The following TMEM201 variants were observed in gnomAD, a reference collection of about 807,000 sequenced individuals.
TMEM201 encodes the protein RP13-15M17.2.
TMEM201 carries 26 observed loss-of-function variants against 63.4 expected under a neutral mutation model. The ratio of observed to expected loss-of-function variants is 0.41; its 90% CI spans 0.30 to 0.57. The LOEUF is 0.57. Among genes scored for constraint, TMEM201 ranks in the 20% least tolerant of loss-of-function variants. TMEM201 has a pLI of 0.29. For missense variants in TMEM201, 794 were observed against 917.7 expected, an observed-to-expected ratio of 0.87 and a Z score of 1.74; for synonymous variants, 417 against 421.6, an observed-to-expected ratio of 0.99 and a Z score of 0.14.
At position 9,603,111 on chromosome 1, in the gene TMEM201, T is replaced by A; in HGVS notation, c.1160+839T>A. ...GGCCTTCAGTGACATCAGGTCGTTG[T>A]CATCCTTTCCCTCCCTGACCTGTCA... On this transcript the variant is annotated intron_variant, in intron 6 of 10. Coordinates refer to ENST00000340381, the MANE Select transcript of TMEM201 (RefSeq NM_001130924.3). The surrounding 1 kb of genome is among the most constrained non-coding windows in gnomAD (Gnocchi z 4.5). 1.0e-6 allele frequency: 1 copy of A among 985,484 alleles called. No individual in the cohort carries two copies. Among genetic ancestry groups the A allele is most frequent in the Non-Finnish European group, 1.2e-6 (1 of 829,988 alleles). The allele number at this position is 985,484 out of a possible 1,614,324, so 61.0% of individuals were successfully genotyped here.
At chr1:9,594,940 G>A (rs1643988644) in intron 1 of TMEM201, among the ~76,000 whole-genome samples, 2 of 152,358 alleles carry the variant, frequency 1.3e-5, no homozygotes, top group East Asian at 1.9e-4. Context: ...ACGGGGGGCC[G>A]TCTGTGCAGG....
intron 1 of TMEM201, among the ~76,000 whole-genome samples, chr1:9,589,475 C>G (rs1454248348): frequency 1.3e-5 from 2 of 152,370 alleles, no homozygotes; most frequent in East Asian, 1.9e-4. Context: ...GAGCCACAGC[C>G]CCTGCTTACG....
Position 9,607,676 on chromosome 1 carries a change from C to T in TMEM201, c.1280C>T (p.Pro427Leu). 1 of 1,551,988 alleles carries T rather than the reference C, an allele frequency of 6.4e-7. No individual in the cohort carries two copies. The highest frequency in any genetic ancestry group is 8.7e-7 in the Non-Finnish European group (1 of 1,147,110). The change falls in exon 7 of 11, where the codon CCC (proline) becomes CTC (leucine). Residue 427 changes from proline (P) to leucine (L), a missense_variant. Physicochemically the swap from Pro to Leu is moderately conservative, Grantham distance 98. Coordinates refer to ENST00000340381, the MANE Select transcript of TMEM201 (RefSeq NM_001130924.3). The surrounding 1 kb of genome is among the most constrained non-coding windows in gnomAD (Gnocchi z 5.4). ...LFIPSPPSFL[P>L]LANQQLFRSP... ...ATCCCCAGCCCGCCCAGCTTCCTGC[C>T]CCTCGCCAACCAGCAGCTCTTCCGG... is the stretch of plus-strand genomic sequence containing the variant.
intron 1 of TMEM201, among the ~76,000 whole-genome samples, chr1:9,594,453 TC>T (rs928194287): frequency 8.0e-4 from 122 of 152,196 alleles, no homozygotes; most frequent in African/African-American, 2.8e-3. Context: ...CTCCCAAGCC[TC>T]CCCCCACTCC....
At chr1:9,589,592 C>G (rs1459216418) in intron 1 of TMEM201, among the ~76,000 whole-genome samples, 2 of 152,262 alleles carry the variant, frequency 1.3e-5, no homozygotes, top group African/African-American at 2.4e-5. Flanking sequence ...TGGGCTGCCT[C>G]CCAGAGGTGG....
rs764974252 is a variant in TMEM201, at chr1:9,602,052, C to T, written c.957-17C>T. On this transcript the variant is annotated splice_polypyrimidine_tract_variant and intron_variant, in intron 5 of 10. Transcript: ENST00000340381. The stretch of plus-strand genomic sequence containing the variant: ...GTCTTGTCCTCCCCTGGGGTGACCC[C>T]GCTGCTTCCCTTTCAGGCTCCGGAG... 39 of 1,606,730 alleles carry T rather than the reference C, an allele frequency of 2.4e-5. No homozygotes were observed. The highest frequency in any genetic ancestry group is 1.7e-4 in the Admixed American group (10 of 59,912).
In TMEM201 at chr1:9,610,365, A is replaced by C. The variant is rs947683548; in HGVS notation, c.1466-141A>C. The C allele has an allele frequency of 2.3e-6, 2 of 879,174 alleles. No individual in the cohort carries two copies. The highest frequency in any genetic ancestry group is 1.7e-6 in the Non-Finnish European group (1 of 593,514). 54.5% of individuals were successfully genotyped at this position (879,174 alleles called of 1,614,324 possible). ...ACCTCTCCTCCTTCAGCTTTGCAGC[A>C]GGACTTCCCCCTGTCCCCAGTCTCT... is the stretch of plus-strand genomic sequence containing the variant. On this transcript the variant is annotated intron_variant, in intron 8 of 10. Transcript: ENST00000340381. This position sits in a 1 kb window ranked among gnomAD's most constrained non-coding sequence, Gnocchi z 4.9.
chr1:9,609,492 C>G (rs926692518), intron 7 of TMEM201, among the ~76,000 whole-genome samples: 14 of 152,156 alleles, frequency 9.2e-5, no homozygotes, highest in African/African-American at 3.1e-4. Context: ...GGGCATGGAA[C>G]GAGGAGTGGA....
chr1:9,595,757 A>C, intron 1 of TMEM201, 133 bp from the exon 2 acceptor site: 2 of 1,338,188 alleles, frequency 1.5e-6, no homozygotes, highest in Non-Finnish European at 2.0e-6. Context: ...CAGCATCTCC[A>C]GCTTTGCATC....
intron 10 of TMEM201, among the ~76,000 whole-genome samples, chr1:9,612,544 TG>T (rs1418669760): frequency 6.6e-6 from 1 of 152,222 alleles, no homozygotes; most frequent in African/African-American, 2.4e-5. Flanking sequence ...TGCCCCAGGC[TG>T]GAGGGTGGCC....
At chr1:9,611,012 C>G (rs905764328) in intron 9 of TMEM201, 2 of 1,531,492 alleles carry the variant, frequency 1.3e-6, no homozygotes, top group African/African-American at 2.7e-5. Flanking sequence ...TCTCCTTTTG[C>G]AGTTGACCTT....
chr1:9,603,981 A>G lies in TMEM201; in HGVS notation c.1160+1709A>G. 1 of 985,436 alleles carries G rather than the reference A, an allele frequency of 1.0e-6. No individual in the cohort carries two copies. The highest frequency in any genetic ancestry group is 5.2e-4 in the Middle Eastern group (1 of 1,914). The allele number at this position is 985,436 out of a possible 1,614,324, so 61.0% of individuals were successfully genotyped here. A position where few individuals can be genotyped will look rare whatever the true frequency, so the allele number is the denominator to read the frequency against. Reference sequence around the variant, plus strand: ...AGTGAGGAGTTGGGGCGGGTGAGCCAAAGCGGCCCCCCATGGTGTCTACCT... The same window carrying G: ...AGTGAGGAGTTGGGGCGGGTGAGCCGAAGCGGCCCCCCATGGTGTCTACCT... On this transcript the variant is annotated intron_variant, in intron 6 of 10. Coordinates refer to ENST00000340381, the MANE Select transcript of TMEM201 (RefSeq NM_001130924.3). The surrounding 1 kb of genome is among the most constrained non-coding windows in gnomAD (Gnocchi z 4.5).
In TMEM201 at chr1:9,608,846, C is replaced by T. The variant is rs1644282549; in HGVS notation, c.1394-994C>T. ...TGAGGTAGCAGCAGAGGTCTTGGGGCGCAAGCTTGTCTTGGAGTGTCCGGT... is the reference window on the plus strand; with the variant it reads ...TGAGGTAGCAGCAGAGGTCTTGGGGTGCAAGCTTGTCTTGGAGTGTCCGGT... On this transcript the variant is annotated intron_variant, in intron 7 of 10. Coordinates refer to ENST00000340381, the MANE Select transcript of TMEM201 (RefSeq NM_001130924.3). This position sits in a 1 kb window ranked among gnomAD's most constrained non-coding sequence, Gnocchi z 4.3. Among the ~76,000 whole-genome samples, 2 of 152,162 alleles carry T rather than the reference C, an allele frequency of 1.3e-5. No individual in the cohort carries two copies. The highest frequency in any genetic ancestry group is 4.2e-4 in the South Asian group (2 of 4,818).
At chr1:9,594,455 C>T (rs1379003439) in intron 1 of TMEM201, among the ~76,000 whole-genome samples, 1 of 151,972 alleles carries the variant, frequency 6.6e-6, no homozygotes, top group Non-Finnish European at 1.5e-5. Flanking sequence ...CCCAAGCCTC[C>T]CCCCACTCCA....
chr1:9,602,753 C>A, intron 6 of TMEM201: 1 of 1,007,034 alleles, frequency 9.9e-7, no homozygotes, highest in South Asian at 4.2e-5. Context: ...GTGCCCTGAC[C>A]GTGCAGCAGA....
rs773098434 is a variant in TMEM201 at position 9,602,266 on chromosome 1, C to T, written c.1154C>T (p.Pro385Leu). The change falls in exon 6 of 11, where the codon CCC (proline) becomes CTC (leucine). Residue 385 changes from proline (P) to leucine (L), a missense_variant. Transcript: ENST00000340381. ...RKATGPRRFR[P>L]RRFFPGDSAG... Reference sequence around the variant, plus strand: ...GCAACGGGCCCACGGAGGTTCCGGCCCCGAAGGTCAGAGAAGCAGCCATGA... The same window carrying T: ...GCAACGGGCCCACGGAGGTTCCGGCTCCGAAGGTCAGAGAAGCAGCCATGA... 15 of 1,611,074 alleles carry T rather than the reference C, an allele frequency of 9.3e-6. No individual in the cohort carries two copies. In the Admixed American group the frequency reaches 1.7e-4, roughly 18 times the overall value.
At position 9,614,072 on chromosome 1, in the gene TMEM201, C is replaced by A. The variant is rs1177672085; in HGVS notation, c.*989C>A. On this transcript the variant is annotated 3_prime_UTR_variant, in exon 11 of 11. Transcript: ENST00000340381. The stretch of plus-strand genomic sequence containing the variant: ...GAGGGGCGCTCCCAATGCTGTGAGG[C>A]AGCGGGGAGGGACCGTGCACCCGTG... 1 of 152,212 alleles carries A rather than the reference C, an allele frequency of 6.6e-6. No homozygotes were observed. Among genetic ancestry groups the A allele is most frequent in the African/African-American group, 2.4e-5 (1 of 41,434 alleles). 9.4% of individuals were successfully genotyped at this position (152,212 alleles called of 1,614,324 possible).
intron 5 of TMEM201, among the ~76,000 whole-genome samples, chr1:9,601,699 G>C (rs960481009): frequency 6.6e-6 from 1 of 152,138 alleles, no homozygotes; most frequent in Non-Finnish European, 1.5e-5. Context: ...TCTCCTCCTC[G>C]GGCTCTGTCA....
At chr1:9,591,860 C>T (rs1006079469) in intron 1 of TMEM201, among the ~76,000 whole-genome samples, 112 of 152,364 alleles carry the variant, frequency 7.4e-4, no homozygotes, top group African/African-American at 2.6e-3. Flanking sequence ...CTCCCTCTGC[C>T]GTCTGCCCTG....
Sources: allele counts gnomAD v4.1 joint callset (sites outside exome capture counted in the v4.1 genomes callset), GRCh38; gene constraint gnomAD v4.1.1; non-coding constraint Gnocchi (gnomAD v3.1); transcripts MANE v1.5; gene names NCBI Gene and HGNC (gene_info 2026-07-23, HGNC 2026-07-21).